TRPM4: variants seen among roughly 807,000 people sequenced by gnomAD.
TRPM4 encodes transient receptor potential cation channel subfamily M member 4.
Under a neutral mutation model 135.6 loss-of-function variants are expected in TRPM4, and 124 were observed. The ratio of observed to expected loss-of-function variants is 0.91; its 90% CI spans 0.79 to 1.06. TRPM4 has a LOEUF of 1.06. TRPM4 is among the 50% of genes least tolerant of loss of function. The pLI is 0.00. For synonymous variants in TRPM4, 745 were observed against 705.6 expected, an observed-to-expected ratio of 1.06 and a Z score of -0.88; for missense variants, 1,658 against 1,671.4, an observed-to-expected ratio of 0.99 and a Z score of 0.14.
chr19:49,182,297 C>T (rs559623333), intron 10 of TRPM4, among the ~76,000 whole-genome samples: 2 of 148,706 alleles, frequency 1.3e-5, no homozygotes, highest in East Asian at 4.0e-4. Flanking sequence ...CCTATCCGTT[C>T]ATCCATCCAT....
intron 9 of TRPM4, among the ~76,000 whole-genome samples, chr19:49,176,767 C>T (rs951434563): frequency 2.0e-5 from 3 of 152,182 alleles, no homozygotes; most frequent in African/African-American, 4.8e-5. Flanking sequence ...AGGAGAATCG[C>T]TTGAACCCAG....
chr19:49,164,387 T>G (rs1193244206), intron 2 of TRPM4, among the ~76,000 whole-genome samples: 1 of 113,432 alleles, frequency 8.8e-6, no homozygotes, highest in Non-Finnish European at 1.8e-5. Flanking sequence ...TTTTTTTTTT[T>G]TTTTTTTTTT....
At chr19:49,199,401 G>T (rs1037934208) in intron 17 of TRPM4, among the ~76,000 whole-genome samples, 3 of 152,166 alleles carry the variant, frequency 2.0e-5, no homozygotes, top group Admixed American at 6.5e-5. Context: ...TGGGACTACA[G>T]GTGCCTGCCT....
In TRPM4 at chr19:49,196,858, C is replaced by A; in HGVS notation, c.2629C>A (p.Leu877Met). 6.3e-7 allele frequency: 1 copy of A among 1,584,718 alleles called. No individual in the cohort carries two copies. Among genetic ancestry groups the A allele is most frequent in the East Asian group, 2.3e-5 (1 of 43,964 alleles). ...CDLVALTCFL[L>M]GVGCRLTPGL... ...CCTAGTGGCTCTCACCTGCTTCCTC[C>A]TGGGCGTGGGCTGCCGGTGAGTGCC... Residue 877 changes from leucine to methionine, a missense_variant, in exon 17 of 25, where the codon CTG becomes ATG. Physicochemically the swap from Leu to Met is conservative, Grantham distance 15 (BLOSUM62 2). Coordinates refer to ENST00000252826, the MANE Select transcript of TRPM4 (RefSeq NM_017636.4).
intron 18 of TRPM4, 47 bp downstream of exon 18, chr19:49,200,479 G>C: frequency 6.3e-7 from 1 of 1,595,676 alleles, no homozygotes; most frequent in Non-Finnish European, 8.6e-7. Flanking sequence ...AGGGAAAGGG[G>C]TGGGGCCAGG....
chr19:49,160,713 G>A (rs1470432052), intron 2 of TRPM4, among the ~76,000 whole-genome samples: 1 of 152,094 alleles, frequency 6.6e-6, no homozygotes. Context: ...GGGCATCACC[G>A]CAGCAGTGGG....
chr19:49,188,802 CG>C (rs1968296710), intron 13 of TRPM4, 32 bp downstream of exon 13: 2 of 1,613,206 alleles, frequency 1.2e-6, no homozygotes, highest in South Asian at 1.1e-5. Flanking sequence ...GGAGCAGGGA[CG>C]GGGGCTGCCG....
intron 19 of TRPM4, among the ~76,000 whole-genome samples, chr19:49,201,320 A>G (rs1968927072): frequency 1.3e-5 from 2 of 152,204 alleles, no homozygotes; most frequent in Admixed American, 1.3e-4. Context: ...GAACAAAGGA[A>G]GGAGGAAGTA....
intron 20 of TRPM4, among the ~76,000 whole-genome samples, chr19:49,208,355 C>T (rs1487337423): frequency 3.9e-5 from 6 of 151,910 alleles, no homozygotes; most frequent in African/African-American, 1.2e-4. Context: ...CTCCCTTTCC[C>T]GGTCTGCTAA....
Position 49,211,186 on chromosome 19 carries a change from TG to T in TRPM4, c.3561del (p.Trp1188GlyfsTer6), listed in dbSNP as rs759475470. The T allele has an allele frequency of 2.5e-6, 4 of 1,603,720 alleles. No homozygotes were observed. The highest frequency in any genetic ancestry group is 3.4e-6 in the Non-Finnish European group (4 of 1,175,970). ...EREVQQCSRV[L>X]GWVAEALSRS... is the part of the protein sequence containing the mutation. ...CAGGTCCAGCAGTGTAGCCGCGTCC[TG>T]GGGTGGGTGGCCGAGGCCCTGAGCC... On this transcript the variant is annotated frameshift_variant, in exon 24 of 25. Coordinates refer to ENST00000252826, the MANE Select transcript of TRPM4 (RefSeq NM_017636.4). LOFTEE classifies it high-confidence loss of function. This position sits in a 1 kb window ranked among gnomAD's most constrained non-coding sequence, Gnocchi z 4.8.
At chr19:49,173,684 G>T (rs1967560697) in intron 9 of TRPM4, among the ~76,000 whole-genome samples, 1 of 152,082 alleles carries the variant, frequency 6.6e-6, no homozygotes, top group Non-Finnish European at 1.5e-5. Flanking sequence ...TTGAGACAGG[G>T]TCTTGCTCTG....
Position 49,210,700 on chromosome 19 carries a change from G to T in TRPM4, c.3329-10G>T, listed in dbSNP as rs764962434. ...TGGCCTGAGCCCTTTGACTCCGCCC[G>T]CCCCTGCAGGGGTTTACCTTTCTAA... On this transcript the variant is annotated splice_polypyrimidine_tract_variant and intron_variant, in intron 21 of 24. Transcript: ENST00000252826. This position sits in a 1 kb window ranked among gnomAD's most constrained non-coding sequence, Gnocchi z 4.1. The T allele has an allele frequency of 9.9e-6, 16 of 1,614,066 alleles. No individual in the cohort carries two copies. In the East Asian group the frequency reaches 1.8e-4, roughly 18 times the overall value.
rs66528168 is a variant in TRPM4 at position 49,196,948 on chromosome 19, A to G, written c.2645+74A>G. On this transcript the variant is annotated intron_variant, in intron 17 of 24. Coordinates refer to ENST00000252826, the MANE Select transcript of TRPM4 (RefSeq NM_017636.4). ...CTTCCTGCCCACTCCCGGGGTCTCC[A>G]CTCCCGGCTTCCCCGCAGCTGGGCA... is the stretch of plus-strand genomic sequence containing the variant. 0.25 allele frequency: 355,593 copies of G among 1,414,638 alleles called. 47,913 individuals are homozygous for G. The highest frequency in any genetic ancestry group is 0.32 in the South Asian group (24,414 of 75,312). 87.6% of individuals were successfully genotyped at this position (1,414,638 alleles called of 1,614,324 possible).
chr19:49,202,858 T>C (rs1968986696), intron 20 of TRPM4, among the ~76,000 whole-genome samples: 1 of 141,776 alleles, frequency 7.1e-6, no homozygotes, highest in Non-Finnish European at 1.5e-5. Context: ...GGTAAAATTA[T>C]ATAAAATTTT....
Position 49,167,964 on chromosome 19 carries a change from G to C in TRPM4, c.315G>C (p.Leu105=), listed in dbSNP as rs1456658777. The C allele has an allele frequency of 6.2e-7, 1 of 1,613,988 alleles. No homozygotes were observed. Among genetic ancestry groups the C allele is most frequent in the African/African-American group, 1.3e-5 (1 of 74,930 alleles). Residue 105 remains leucine (L), a synonymous_variant, in exon 4 of 25, where the codon CTG becomes CTC. Transcript: ENST00000252826. ...CGGATCCAGCTGCAGTTTATAGTCT[G>C]GTCACACGCACATGGGGCTTCCGTG... ...DRTDPAAVYS[L]VTRTWGFRAP...
rs199805560 is a variant in TRPM4 at position 49,188,937 on chromosome 19, C to T, written c.1874-9C>T. The stretch of plus-strand genomic sequence containing the variant: ...CATCCCTGTCACATAACTAACTCCT[C>T]TGCCCCAGACCTCTTTGGCGAGTGC... On this transcript the variant is annotated splice_polypyrimidine_tract_variant and intron_variant, in intron 13 of 24. Transcript: ENST00000252826. 625 of 1,614,140 alleles carry T rather than the reference C, an allele frequency of 3.9e-4. 1 individual carries two copies. The highest frequency in any genetic ancestry group is 5.0e-4 in the Non-Finnish European group (595 of 1,180,028).
Position 49,200,769 on chromosome 19 carries a change from C to G in TRPM4, c.2937C>G (p.Pro979=), listed in dbSNP as rs142981405. The part of the protein sequence containing the change: ...RPYLQIFGQI[P]QEDMDVALME... ...ACCTGCAGATCTTCGGGCAGATTCC[C>G]CAGGAGGACATGGACGGTAGGGGGG... The change falls in exon 19 of 25, where the codon CCC becomes CCG. Residue 979 remains proline (P), a synonymous_variant. Transcript: ENST00000252826. 215 of 1,613,890 alleles carry G rather than the reference C, an allele frequency of 1.3e-4. No homozygotes were observed. The highest frequency in any genetic ancestry group is 1.7e-4 in the Non-Finnish European group (196 of 1,180,004).
intron 16 of TRPM4, among the ~76,000 whole-genome samples, chr19:49,195,869 T>TTTATTATTA (rs746763684): frequency 1.3e-3 from 192 of 148,816 alleles, no homozygotes; most frequent in African/African-American, 4.2e-3. Context: ...TTTTATTTAT[T>TTTATTATTA]TTATTATTAT....
At chr19:49,205,829 C>A (rs1023062243) in intron 20 of TRPM4, among the ~76,000 whole-genome samples, 1 of 151,684 alleles carries the variant, frequency 6.6e-6, no homozygotes, top group Non-Finnish European at 1.5e-5. Context: ...AGCCACTGGA[C>A]CCGGCCGGAC....
Sources: allele counts gnomAD v4.1 joint callset (sites outside exome capture counted in the v4.1 genomes callset), GRCh38; gene constraint gnomAD v4.1.1; non-coding constraint Gnocchi (gnomAD v3.1); transcripts MANE v1.5; gene names NCBI Gene and HGNC (gene_info 2026-07-23, HGNC 2026-07-21).